Variants in MYLK3 observed in about 807,000 individuals in gnomAD.
MYLK3 encodes MLC kinase.
MYLK3 carries 55 observed loss-of-function variants against 76.3 expected under a neutral mutation model. The observed-to-expected ratio is 0.72, with a 90% CI of 0.58 to 0.90. The LOEUF (loss-of-function observed/expected upper bound fraction) is 0.90. Ranked by LOEUF, MYLK3 falls within the 40% of genes least tolerant of loss-of-function variation. MYLK3 has a pLI of 0.00. For missense variants in MYLK3, 973 were observed against 1,053.6 expected (o/e 0.92, Z 1.06); for synonymous variants, 416 against 425.4 (o/e 0.98, Z 0.27).
chr16:46,714,746 C>T (rs1410844844), intron 9 of MYLK3, among the ~76,000 whole-genome samples: 3 of 152,180 alleles, frequency 2.0e-5, no homozygotes, highest in Non-Finnish European at 4.4e-5. Context: ...CAACCTAGGC[C>T]ATCAGAGCTT....
At chr16:46,762,060 G>T (rs949655191) in intron 1 of MYLK3, among the ~76,000 whole-genome samples, 4 of 152,156 alleles carry the variant, frequency 2.6e-5, no homozygotes, top group Admixed American at 6.5e-5. Context: ...CTCAAGGAAC[G>T]AGTCTTTGAA....
intron 6 of MYLK3, among the ~76,000 whole-genome samples, 189 bp from the exon 7 acceptor site, chr16:46,729,322 C>A (rs1206275073): frequency 2.0e-5 from 3 of 152,168 alleles, no homozygotes; most frequent in Admixed American, 2.0e-4. Flanking sequence ...CCACTCATCT[C>A]ACAGACAGGA....
chr16:46,732,545 T>A lies in MYLK3; in HGVS notation c.1125A>T (p.Pro375=), dbSNP rs1418480292. The part of the protein sequence containing the change: ...PAAAQPGKQG[P]PGTGRCLQAP... ...CTTGGAGGCAGCGCCCGGTCCCAGGTGGGCCCTGCTTGCCTGGCTGGGCAG... is the reference window on the plus strand; with the variant it reads ...CTTGGAGGCAGCGCCCGGTCCCAGGAGGGCCCTGCTTGCCTGGCTGGGCAG... The change falls in exon 4 of 13, where the codon CCA becomes CCT. Residue 375 remains proline (P), a synonymous_variant. Coordinates refer to ENST00000394809, the MANE Select transcript of MYLK3 (RefSeq NM_182493.3). 6.2e-7 allele frequency: 1 copy of A among 1,601,792 alleles called. No homozygotes were observed. The highest frequency in any genetic ancestry group is 1.1e-5 in the South Asian group (1 of 91,046).
chr16:46,735,979 T>C (rs923370577), intron 3 of MYLK3, among the ~76,000 whole-genome samples: 7 of 152,258 alleles, frequency 4.6e-5, no homozygotes, highest in Non-Finnish European at 1.0e-4. Flanking sequence ...TCAGTAGTCA[T>C]GGCCTCAGGA....
Position 46,702,737 on chromosome 16 carries a change from T to C in MYLK3, c.*4967A>G, listed in dbSNP as rs1391913960. ...GAGATCGAGACCATCCTGGCCAGCA[T>C]GGTGAAAGCCCATCTCTACTAAAAA... On this transcript the variant is annotated 3_prime_UTR_variant, in exon 13 of 13. Coordinates refer to ENST00000394809, the MANE Select transcript of MYLK3 (RefSeq NM_182493.3). 2.6e-5 allele frequency among the ~76,000 whole-genome samples: 4 copies of C among 152,076 alleles called. No homozygotes were observed. Among genetic ancestry groups the C allele is most frequent in the Non-Finnish European group, 4.4e-5 (3 of 68,006 alleles).
At chr16:46,736,307 C>T (rs960072378) in intron 3 of MYLK3, among the ~76,000 whole-genome samples, 2 of 152,184 alleles carry the variant, frequency 1.3e-5, no homozygotes, top group Admixed American at 6.5e-5. Context: ...CCACAGTGCC[C>T]GGCAGGATCC....
intron 1 of MYLK3, among the ~76,000 whole-genome samples, chr16:46,756,477 C>T (rs915578520): frequency 4.6e-5 from 7 of 152,228 alleles, no homozygotes. Context: ...AACGTGTTTG[C>T]TTCTGGGGAC....
upstream of MYLK3, among the ~76,000 whole-genome samples, chr16:46,748,638 G>A (rs1267280177): frequency 6.6e-6 from 1 of 152,178 alleles, no homozygotes; most frequent in Non-Finnish European, 1.5e-5. This position sits in a 1 kb window ranked among gnomAD's most constrained non-coding sequence, Gnocchi z 4.3. Context: ...GGCGGAGGAA[G>A]GTCCTTAGAG....
At chr16:46,740,549 ATATT>A (rs1270884578) in intron 1 of MYLK3, among the ~76,000 whole-genome samples, 15 of 103,106 alleles carry the variant, frequency 1.5e-4, no homozygotes, top group African/African-American at 3.6e-4. Context: ...ATATATATAT[ATATT>A]TTTTTTTTTT....
intron 7 of MYLK3, among the ~76,000 whole-genome samples, chr16:46,728,521 G>C (rs1195658132): frequency 6.6e-6 from 1 of 152,146 alleles, no homozygotes; most frequent in Non-Finnish European, 1.5e-5. Context: ...AGGAGTTCAA[G>C]ACCAGCCTGG....
Position 46,732,521 on chromosome 16 carries a change from T to C in MYLK3, c.1149A>G (p.Gln383=), listed in dbSNP as rs778557269. 22 of 1,604,976 alleles carry C rather than the reference T, an allele frequency of 1.4e-5. No homozygotes were observed. Among genetic ancestry groups the C allele is most frequent in the Non-Finnish European group, 1.7e-5 (20 of 1,179,858 alleles). ...QGPPGTGRCL[Q]APGTEPGEQT... Reference sequence around the variant, plus strand: ...GTTCTCCGGGCTCAGTCCCAGGGGCTTGGAGGCAGCGCCCGGTCCCAGGTG... The same window carrying C: ...GTTCTCCGGGCTCAGTCCCAGGGGCCTGGAGGCAGCGCCCGGTCCCAGGTG... The change falls in exon 4 of 13, where the codon CAA becomes CAG. Residue 383 remains glutamine (Q), a synonymous_variant. Transcript: ENST00000394809.
chr16:46,723,288 T>G (rs1406717915), intron 8 of MYLK3, among the ~76,000 whole-genome samples: 2 of 152,230 alleles, frequency 1.3e-5, no homozygotes, highest in South Asian at 2.1e-4. Flanking sequence ...TTTTCAAGGT[T>G]TATCCGTGTT....
chr16:46,712,184 G>A (rs1966691393), intron 10 of MYLK3, among the ~76,000 whole-genome samples: 2 of 151,218 alleles, frequency 1.3e-5, no homozygotes, highest in Non-Finnish European at 3.0e-5. Context: ...TAGAGACAGG[G>A]TCTCCCTATG....
intron 2 of MYLK3, among the ~76,000 whole-genome samples, chr16:46,739,840 G>T (rs28185): frequency 0.99 from 150,075 of 152,284 alleles, 73,977 homozygotes; most frequent in East Asian, 1. Context: ...CAACCCCGAG[G>T]TGTTCAAGGG....
intron 1 of MYLK3, among the ~76,000 whole-genome samples, chr16:46,744,611 G>A (rs1305403014): frequency 6.6e-6 from 1 of 152,028 alleles, no homozygotes; most frequent in Non-Finnish European, 1.5e-5. Flanking sequence ...CAAAGTGCTG[G>A]GATTACAGGC....
chr16:46,737,149 C>T (rs1023847442), intron 3 of MYLK3, among the ~76,000 whole-genome samples: 2 of 152,334 alleles, frequency 1.3e-5, no homozygotes, highest in Non-Finnish European at 1.5e-5. Context: ...GCACAGGTTC[C>T]GGAATCCGGT....
chr16:46,744,330 C>CCT (rs369864776), intron 1 of MYLK3, among the ~76,000 whole-genome samples: 1 of 43,688 alleles, frequency 2.3e-5, no homozygotes, highest in Non-Finnish European at 3.7e-5. Context: ...CCACACCCAG[C>CCT]TTTTTTTTTT....
rs1354283413 is a variant in MYLK3, at chr16:46,729,050, C to T, written c.1746G>A (p.Lys582=). Reference sequence around the variant, plus strand: ...ACTCCATGACAAGGGTGCAGCTGTGCTTGCTCTCGAAGGCGTCATAGAGCT... The same window carrying T: ...ACTCCATGACAAGGGTGCAGCTGTGTTTGCTCTCGAAGGCGTCATAGAGCT... ...LIQLYDAFES[K]HSCTLVMEYV... is the part of the protein sequence containing the mutation. The change falls in exon 7 of 13, where the codon AAG becomes AAA. Residue 582 remains lysine, a synonymous_variant. Transcript: ENST00000394809. The T allele has an allele frequency of 1.9e-6, 3 of 1,613,992 alleles. No individual in the cohort carries two copies. Among genetic ancestry groups the T allele is most frequent in the Non-Finnish European group, 2.5e-6 (3 of 1,179,938 alleles).
chr16:46,707,680 C>T lies in MYLK3; in HGVS notation c.*24G>A. ...CCACTGGCCTCAGTAATTTCTGGAC[C>T]CATTGGAGCAGCAGAGTTGAAGATT... is the stretch of plus-strand genomic sequence containing the variant. On this transcript the variant is annotated 3_prime_UTR_variant, in exon 13 of 13. Coordinates refer to ENST00000394809, the MANE Select transcript of MYLK3 (RefSeq NM_182493.3). 3.2e-6 allele frequency: 5 copies of T among 1,564,860 alleles called. No individual in the cohort carries two copies. The highest frequency in any genetic ancestry group is 4.4e-6 in the Non-Finnish European group (5 of 1,138,056).
Sources: gnomAD v4.1 joint callset for allele counts (sites outside exome capture counted in the v4.1 genomes callset) on GRCh38, gnomAD v4.1.1 for gene constraint, Gnocchi (gnomAD v3.1) non-coding constraint, MANE v1.5 for transcripts, NCBI Gene and HGNC (gene_info 2026-07-23, HGNC 2026-07-21) for gene names.